Variants in VWDE observed in about 807,000 individuals in gnomAD.
VWDE encodes the protein von Willebrand factor D and EGF domains, also known as von Willebrand factor D and EGF domain-containing protein.
Under a neutral mutation model 178.4 loss-of-function variants are expected in VWDE, and 207 were observed. That is an observed-to-expected ratio of 1.16 (90% confidence interval 1.04 to 1.30). VWDE has a LOEUF of 1.30. Ranked by LOEUF, VWDE falls within the 50% of genes most tolerant of loss-of-function variation. The pLI is 0.00. For missense variants in VWDE, 2,287 were observed against 1,901.3 expected, an observed-to-expected ratio of 1.20 and a Z score of -3.77; for synonymous variants, 738 against 651.4, an observed-to-expected ratio of 1.13 and a Z score of -2.02.
At position 12,357,531 on chromosome 7, in the gene VWDE, CACTTA is replaced by C; in HGVS notation, c.3275-21_3275-17del. Reference sequence around the variant, plus strand: ...GGCTGGTTGTCTGTAATAGAGAAAACACTTAACTTTATACCCGTGTAGAAAAAGGA... The same window carrying C: ...GGCTGGTTGTCTGTAATAGAGAAAACACTTTATACCCGTGTAGAAAAAGGA... On this transcript the variant is annotated splice_polypyrimidine_tract_variant and intron_variant, in intron 16 of 28. Coordinates refer to ENST00000275358, the MANE Select transcript of VWDE (RefSeq NM_001135924.3). 6.4e-7 allele frequency: 1 copy of C among 1,551,434 alleles called. No homozygotes were observed.
At chr7:12,336,491 C>T (rs902948972) in intron 26 of VWDE, among the ~76,000 whole-genome samples, 4 of 152,138 alleles carry the variant, frequency 2.6e-5, no homozygotes, top group Non-Finnish European at 5.9e-5. Flanking sequence ...TGTTGGACAT[C>T]TATGTTGCTT....
intron 24 of VWDE, among the ~76,000 whole-genome samples, 186 bp downstream of exon 24, chr7:12,340,136 G>A (rs891413095): frequency 3.9e-5 from 6 of 152,150 alleles, no homozygotes; most frequent in South Asian, 2.1e-4. Flanking sequence ...AAATATAACC[G>A]TTTTACATAA....
At chr7:12,361,752 T>A (rs1782594261) in intron 13 of VWDE, among the ~76,000 whole-genome samples, 1 of 152,060 alleles carries the variant, frequency 6.6e-6, no homozygotes, top group Non-Finnish European at 1.5e-5. Flanking sequence ...TCTTGGCGGT[T>A]CAAATCAAAG....
chr7:12,372,936 A>G, intron 10 of VWDE, 41 bp downstream of exon 10: 1 of 1,524,646 alleles, frequency 6.6e-7, no homozygotes, highest in South Asian at 1.3e-5. Flanking sequence ...CTGAAAGGAG[A>G]AAAAGGAAAA....
At chr7:12,344,897 G>A (rs1781518624) in intron 19 of VWDE, among the ~76,000 whole-genome samples, 2 of 151,994 alleles carry the variant, frequency 1.3e-5, no homozygotes, top group South Asian at 4.2e-4. Flanking sequence ...TATTTGAAGT[G>A]CCAAATGCCC....
intron 17 of VWDE, 83 bp downstream of exon 17, chr7:12,357,182 A>T: frequency 6.8e-7 from 1 of 1,467,884 alleles, no homozygotes; most frequent in Non-Finnish European, 9.1e-7. Context: ...TACAACTAGC[A>T]ATATGGCTTG....
chr7:12,368,789 G>C (rs1000370333), intron 12 of VWDE, among the ~76,000 whole-genome samples: 2 of 152,112 alleles, frequency 1.3e-5, no homozygotes, highest in African/African-American at 2.4e-5. Context: ...ATGGTGGCTT[G>C]GACTATGGTT....
chr7:12,351,475 TA>T, intron 19 of VWDE, 97 bp downstream of exon 19: 1 of 1,329,854 alleles, frequency 7.5e-7, no homozygotes, highest in Non-Finnish European at 1.0e-6. Context: ...GTGATCTTTC[TA>T]AAAATAAAAA....
intron 6 of VWDE, among the ~76,000 whole-genome samples, chr7:12,378,287 A>C (rs976477403): frequency 3.9e-5 from 6 of 152,224 alleles, no homozygotes; most frequent in African/African-American, 1.4e-4. Flanking sequence ...CACCAACAGA[A>C]GACTCTGGTT....
intron 19 of VWDE, 111 bp from the exon 20 acceptor site, chr7:12,344,580 A>G: frequency 1.3e-6 from 1 of 776,852 alleles, no homozygotes; most frequent in Non-Finnish European, 2.1e-6. Flanking sequence ...ATAGTTAACT[A>G]ATAGTCCCTC....
intron 13 of VWDE, among the ~76,000 whole-genome samples, chr7:12,366,683 G>A (rs1335369608): frequency 6.6e-6 from 1 of 151,936 alleles, no homozygotes; most frequent in African/African-American, 2.4e-5. Context: ...CATTAATTTA[G>A]AGAAAAAGTA....
chr7:12,399,661 G>A (rs188476426), intron 1 of VWDE, among the ~76,000 whole-genome samples: 3 of 152,072 alleles, frequency 2.0e-5, no homozygotes, highest in East Asian at 1.9e-4. Context: ...TAGACAATCC[G>A]CTAGACAATA....
At chr7:12,379,613 G>A (rs1783729338) in intron 5 of VWDE, 47 bp from the exon 6 acceptor site, 2 of 1,367,866 alleles carry the variant, frequency 1.5e-6, no homozygotes, top group Non-Finnish European at 2.0e-6. Flanking sequence ...CAATTTTGGA[G>A]AAAACGTGTA....
At chr7:12,370,933 C>T in intron 10 of VWDE, 69 bp from the exon 11 acceptor site, 1 of 1,181,420 alleles carries the variant, frequency 8.5e-7, no homozygotes, top group East Asian at 2.7e-5. Flanking sequence ...TAAGAAAAAT[C>T]TATTATTTAA....
At chr7:12,371,050 T>A (rs1783171584) in intron 10 of VWDE, among the ~76,000 whole-genome samples, 186 bp from the exon 11 acceptor site, 1 of 152,130 alleles carries the variant, frequency 6.6e-6, no homozygotes, top group Admixed American at 6.6e-5. Flanking sequence ...GGTTTTTGCA[T>A]TTTGCTGACC....
In VWDE at chr7:12,389,343, T is replaced by C; in HGVS notation, c.259A>G (p.Thr87Ala). The change falls in exon 3 of 29, where the codon ACT (threonine) becomes GCT (alanine). Residue 87 changes from threonine (T) to alanine (A), a missense_variant. Transcript: ENST00000275358. ...TKCVEMNHCG[T>A]QAPIWLSLRD... The stretch of plus-strand genomic sequence containing the variant: ...AGAGACAGCCAGATGGGGGCCTGAG[T>C]TCCACAATGGTTCATCTTTTGCAGG... 2 of 1,545,982 alleles carry C rather than the reference T, an allele frequency of 1.3e-6. No homozygotes were observed. The highest frequency in any genetic ancestry group is 2.4e-5 in the South Asian group (2 of 83,942).
At position 12,367,484 on chromosome 7, in the gene VWDE, G is replaced by A. The variant is rs1782926820; in HGVS notation, c.2771C>T (p.Pro924Leu). ...YDCSDSYDKA[P>L]EITELGNAGF... The stretch of plus-strand genomic sequence containing the variant: ...AGCATTCCCAAGCTCTGTAATTTCA[G>A]GAGCTTTGTCTTTGGAAAAAAAATA... The change falls in exon 13 of 29, where the codon CCT (proline) becomes CTT (leucine). Residue 924 changes from proline (P) to leucine (L), a missense_variant. By Grantham distance (98) the Pro-to-Leu change is moderately conservative. Coordinates refer to ENST00000275358, the MANE Select transcript of VWDE (RefSeq NM_001135924.3). 2 of 1,506,738 alleles carry A rather than the reference G, an allele frequency of 1.3e-6. No individual in the cohort carries two copies. The highest frequency in any genetic ancestry group is 4.6e-5 in the Admixed American group (2 of 43,914). The allele number at this position is 1,506,738 out of a possible 1,614,324, so 93.3% of individuals were successfully genotyped here.
intron 21 of VWDE, among the ~76,000 whole-genome samples, chr7:12,343,494 A>G (rs940974972): frequency 6.6e-6 from 1 of 152,160 alleles, no homozygotes; most frequent in Non-Finnish European, 1.5e-5. Context: ...CTATAGTTCC[A>G]TAGTTATTTT....
chr7:12,371,111 CTTCT>C (rs1158058154), intron 10 of VWDE, among the ~76,000 whole-genome samples: 1 of 152,008 alleles, frequency 6.6e-6, no homozygotes, highest in African/African-American at 2.4e-5. Context: ...TTGCTTGCAA[CTTCT>C]TTAAATAATT....
Sources: gnomAD v4.1 joint callset for allele counts (sites outside exome capture counted in the v4.1 genomes callset) on GRCh38, gnomAD v4.1.1 for gene constraint, MANE v1.5 for transcripts, NCBI Gene and HGNC (gene_info 2026-07-23, HGNC 2026-07-21) for gene names.